Variants in BOP1 observed in about 807,000 individuals in gnomAD.
BOP1 encodes the protein ribosome biogenesis protein BOP1.
Under a neutral mutation model 82.9 loss-of-function variants are expected in BOP1, and 54 were observed. That is an observed-to-expected ratio of 0.65 (90% confidence interval 0.52 to 0.82). The LOEUF is 0.82. Ranked by LOEUF, BOP1 falls within the 40% of genes least tolerant of loss-of-function variation. The probability of loss-of-function intolerance (pLI) is 0.00; values close to 1 mark genes in which losing one functional copy is unlikely to be tolerated. For missense variants in BOP1, 1,170 were observed against 1,072.0 expected, an observed-to-expected ratio of 1.09 and a Z score of -1.28; for synonymous variants, 566 against 451.1, an observed-to-expected ratio of 1.25 and a Z score of -3.23.
intron 2 of BOP1, among the ~76,000 whole-genome samples, chr8:144,281,063 C>CCAGGTCTTCGGCCTTTTCTCACTTTA (rs1564601666): frequency 1.8e-5 from 1 of 54,866 alleles, no homozygotes; most frequent in Non-Finnish European, 3.7e-5. Context: ...CTCTCACTTT[C>CCAGGTCTTCGGCCTTTTCTCACTTTA]ATACCAGGTC....
chr8:144,278,258 C>T (rs1157926622), intron 2 of BOP1, among the ~76,000 whole-genome samples: 4 of 56,190 alleles, frequency 7.1e-5, no homozygotes, highest in Non-Finnish European at 1.1e-4. Context: ...CAGCAGGATG[C>T]GGGGCCGCTG....
At chr8:144,276,786 G>A (rs914017187) in intron 2 of BOP1, among the ~76,000 whole-genome samples, 5 of 152,194 alleles carry the variant, frequency 3.3e-5, no homozygotes, top group Admixed American at 3.3e-4. Context: ...AGGGTCACTG[G>A]GGCCAATGCT....
chr8:144,272,843 G>A (rs1378795943), intron 3 of BOP1, among the ~76,000 whole-genome samples: 2 of 152,192 alleles, frequency 1.3e-5, no homozygotes, highest in African/African-American at 4.8e-5. Context: ...GGCCTAGGAG[G>A]GCCTTCAAGC....
In BOP1 at chr8:144,265,024, G is replaced by C; in HGVS notation, c.438C>G (p.Asp146Glu). The C allele has an allele frequency of 6.2e-7, 1 of 1,612,300 alleles. No individual in the cohort carries two copies. The highest frequency in any genetic ancestry group is 8.5e-7 in the Non-Finnish European group (1 of 1,179,744). Residue 146 changes from aspartate (D) to glutamate (E), a missense_variant, in exon 4 of 16, where the codon GAC becomes GAG. Asp to Glu is a conservative substitution (Grantham distance 45). Transcript: ENST00000569669. ...CCAGGTCGTAGCCCACGTGGGGGAA[G>C]TCATCGTACCACTCCAAGGGCACGT... ...VGNVPLEWYD[D>E]FPHVGYDLDG...
At chr8:144,282,535 G>A (rs573076337) in intron 2 of BOP1, among the ~76,000 whole-genome samples, 1 of 152,192 alleles carries the variant, frequency 6.6e-6, no homozygotes, top group East Asian at 1.9e-4. Context: ...GCAAAGGGTG[G>A]GGAAGGGATG....
In BOP1 at chr8:144,276,257, C is replaced by T; in HGVS notation, c.357G>A (p.Gly119=). 6.2e-7 allele frequency: 1 copy of T among 1,613,682 alleles called. No individual in the cohort carries two copies. Among genetic ancestry groups the T allele is most frequent in the African/African-American group, 1.3e-5 (1 of 75,046 alleles). ...PRTEMASARI[G]DEYAEDSSDE... is the part of the protein sequence containing the mutation. Reference sequence around the variant, plus strand: ...CAGAGCTGTCCTCCGCATACTCATCCCCAATCCGGGCGCTCGCCATCTCTG... The same window carrying T: ...CAGAGCTGTCCTCCGCATACTCATCTCCAATCCGGGCGCTCGCCATCTCTG... The change falls in exon 3 of 16, where the codon GGG becomes GGA. Residue 119 remains glycine (G), a synonymous_variant. Transcript: ENST00000569669.
chr8:144,281,855 C>G (rs1422225643), intron 2 of BOP1: 8 of 152,214 alleles, frequency 5.3e-5, no homozygotes, highest in Non-Finnish European at 7.3e-5. Context: ...GCTGGGATTA[C>G]AGGTTTGGCT....
chr8:144,268,811 AGC>A (rs1554837488), intron 3 of BOP1, among the ~76,000 whole-genome samples: 5,425 of 152,076 alleles, frequency 0.036, 92 homozygotes, highest in Middle Eastern at 0.068. Context: ...ACAGGGAGGC[AGC>A]GGCAGGGACA....
At chr8:144,265,936 A>C (rs1028136807) in intron 3 of BOP1, 24,039 of 152,724 alleles carry the variant, frequency 0.16, 2,977 homozygotes, top group African/African-American at 0.34. Flanking sequence ...AACAGGGGAC[A>C]TGGCCAGCTA....
At chr8:144,267,636 G>T (rs1000166670) in intron 3 of BOP1, among the ~76,000 whole-genome samples, 1 of 152,190 alleles carries the variant, frequency 6.6e-6, no homozygotes, top group Non-Finnish European at 1.5e-5. Flanking sequence ...CCTGCTGTCC[G>T]TCCCCCACCT....
At chr8:144,277,882 A>G (rs1256904607) in intron 2 of BOP1, among the ~76,000 whole-genome samples, 5 of 88,116 alleles carry the variant, frequency 5.7e-5, no homozygotes, top group Non-Finnish European at 1.5e-4. Flanking sequence ...TTTTGGAGGC[A>G]GATGCTGTGG....
At chr8:144,276,369 T>C in intron 2 of BOP1, 65 bp from the exon 3 acceptor site, 1 of 1,573,798 alleles carries the variant, frequency 6.4e-7, no homozygotes, top group Non-Finnish European at 8.6e-7. Flanking sequence ...CTTGGGGGGA[T>C]CCCAGGAAGC....
Position 144,277,820 on chromosome 8 carries a change from G to GGCAGGGGCGGTGCGGGCAGGGGCGGTGCA in BOP1, c.310-1517_310-1516insTGCACCGCCCCTGCCCGCACCGCCCCTGC, listed in dbSNP as rs1554838467. Reference sequence around the variant, plus strand: ...GGGGCGGTGCGGGCAGGGGCGGTGCGGGCAGGGGCGGCCACTGCTGGGAAC... The same window carrying GGCAGGGGCGGTGCGGGCAGGGGCGGTGCA: ...GGGGCGGTGCGGGCAGGGGCGGTGCGGCAGGGGCGGTGCGGGCAGGGGCGGTGCAGGCAGGGGCGGCCACTGCTGGGAAC... On this transcript the variant is annotated intron_variant, in intron 2 of 15. Coordinates refer to ENST00000569669, the MANE Select transcript of BOP1 (RefSeq NM_015201.5). Among the ~76,000 whole-genome samples, 1,124 of 145,620 alleles carry GGCAGGGGCGGTGCGGGCAGGGGCGGTGCA rather than the reference G, an allele frequency of 7.7e-3. 21 individuals are homozygous for GGCAGGGGCGGTGCGGGCAGGGGCGGTGCA. The highest frequency in any genetic ancestry group is 0.026 in the African/African-American group (1,060 of 40,866).
intron 2 of BOP1, among the ~76,000 whole-genome samples, chr8:144,287,033 A>C (rs1470370140): frequency 6.6e-6 from 1 of 152,270 alleles, no homozygotes; most frequent in Non-Finnish European, 1.5e-5. Flanking sequence ...TTTTTGAGGC[A>C]GAGCCTCACT....
intron 2 of BOP1, among the ~76,000 whole-genome samples, chr8:144,278,562 G>A (rs1444563399): frequency 2.0e-5 from 3 of 152,234 alleles, no homozygotes; most frequent in Non-Finnish European, 4.4e-5. Flanking sequence ...TCGGTGGGAA[G>A]AGAACTCTGC....
At chr8:144,269,024 A>C (rs1194988772) in intron 3 of BOP1, among the ~76,000 whole-genome samples, 3 of 152,132 alleles carry the variant, frequency 2.0e-5, no homozygotes, top group Non-Finnish European at 4.4e-5. Context: ...GCATCTCCTC[A>C]TGCACCAGTG....
At chr8:144,279,106 G>A (rs1269480264) in intron 2 of BOP1, among the ~76,000 whole-genome samples, 1 of 38,972 alleles carries the variant, frequency 2.6e-5, no homozygotes, top group African/African-American at 1.3e-4. Flanking sequence ...TGACCGTCAC[G>A]GGCCACGACC....
chr8:144,273,256 G>T (rs1254427235), intron 3 of BOP1, among the ~76,000 whole-genome samples: 1 of 152,218 alleles, frequency 6.6e-6, no homozygotes, highest in African/African-American at 2.4e-5. Flanking sequence ...GGCGCTTGGC[G>T]CGAGAGCAGA....
intron 2 of BOP1, among the ~76,000 whole-genome samples, chr8:144,288,202 G>A (rs1814934638): frequency 6.6e-6 from 1 of 151,698 alleles, no homozygotes; most frequent in Non-Finnish European, 1.5e-5. Flanking sequence ...CCCAGGAGGT[G>A]GAAGATGCAG....
Sources: allele counts gnomAD v4.1 joint callset (sites outside exome capture counted in the v4.1 genomes callset), GRCh38; gene constraint gnomAD v4.1.1; transcripts MANE v1.5; gene names NCBI Gene and HGNC (gene_info 2026-07-23, HGNC 2026-07-21).